Variants in DOCK4 observed in about 807,000 individuals in gnomAD.
DOCK4 encodes the protein dedicator of cytokinesis 4, also known as dedicator of cytokinesis protein 4.
A neutral mutation model predicts 268.1 loss-of-function variants in DOCK4; 97 were observed. The observed-to-expected ratio is 0.36, with a 90% CI of 0.31 to 0.43. The LOEUF (loss-of-function observed/expected upper bound fraction) is 0.43, where lower values mean the gene tolerates loss of function less well. Among genes scored for constraint, DOCK4 ranks in the 20% least tolerant of loss-of-function variants. The pLI, the probability that DOCK4 is intolerant of heterozygous loss-of-function variation, is 1.00. For missense variants in DOCK4, 2,145 were observed against 2,455.7 expected (o/e 0.87, Z 2.67); for synonymous variants, 954 against 887.2 (o/e 1.08, Z -1.34).
At chr7:112,039,047 G>C (rs1191279408) in intron 1 of DOCK4, among the ~76,000 whole-genome samples, 1 of 152,138 alleles carries the variant, frequency 6.6e-6, no homozygotes, top group African/African-American at 2.4e-5. Flanking sequence ...ACAGGAAAGG[G>C]ACTTAGATGG....
rs555855987 is a variant in DOCK4, at chr7:111,895,370, TAC to T, written c.1587+240_1587+241del. ...GCAATGGAAAGAACTTTAAGAACAA[TAC>T]ACAGGTTTACCCAAACATCCACCCC... is the stretch of plus-strand genomic sequence containing the variant. On this transcript the variant is annotated intron_variant, in intron 16 of 52. Transcript: ENST00000428084. Among the ~76,000 whole-genome samples the T allele has an allele frequency of 5.9e-5, 9 of 152,272 alleles. No homozygotes were observed. The South Asian group carries it at 1.9e-3, about 32-fold the overall frequency.
rs527654495 is a variant in DOCK4 at position 111,995,054 on chromosome 7, C to T, written c.219-823G>A. Among the ~76,000 whole-genome samples the T allele has an allele frequency of 3.1e-5, 4 of 129,218 alleles. No homozygotes were observed. In the East Asian group the frequency reaches 9.2e-4, roughly 30 times the overall value. 84.8% of individuals were successfully genotyped at this position (129,218 alleles called of 152,430 possible). A position where few individuals can be genotyped will look rare whatever the true frequency, so the allele number is the denominator to read the frequency against. Reference sequence around the variant, plus strand: ...GTTTTGTGTTTTTTTTTTTTGAGAACAGAGTCTTGCTCTGTCGCCCAGGCT... The same window carrying T: ...GTTTTGTGTTTTTTTTTTTTGAGAATAGAGTCTTGCTCTGTCGCCCAGGCT... On this transcript the variant is annotated intron_variant, in intron 4 of 52. Transcript: ENST00000428084.
intron 16 of DOCK4, among the ~76,000 whole-genome samples, chr7:111,884,072 C>T (rs1465325083): frequency 6.6e-6 from 1 of 151,960 alleles, no homozygotes; most frequent in Non-Finnish European, 1.5e-5. Context: ...ATTTTTTTAT[C>T]CAGTAGGATT....
At chr7:112,198,893 A>G (rs1820687700) in intron 1 of DOCK4, among the ~76,000 whole-genome samples, 1 of 152,170 alleles carries the variant, frequency 6.6e-6, no homozygotes, top group Non-Finnish European at 1.5e-5. Context: ...TGATTGTCTG[A>G]TGCTCCAACG....
In DOCK4 at chr7:112,020,951, G is replaced by A. The variant is rs1183550083; in HGVS notation, c.38-16820C>T. ...ATACTTATCCAACTATTTGTACTTC[G>A]TTTTCCTGCCCATTTCTCCCCAGAG... On this transcript the variant is annotated intron_variant, in intron 1 of 52. Coordinates refer to ENST00000428084, the MANE Select transcript of DOCK4 (RefSeq NM_001363540.2). Among the ~76,000 whole-genome samples, 11 of 152,182 alleles carry A rather than the reference G, an allele frequency of 7.2e-5. No individual in the cohort carries two copies. The South Asian group carries it at 8.3e-4, about 11-fold the overall frequency.
chr7:112,190,522 G>A (rs535257482), intron 1 of DOCK4, among the ~76,000 whole-genome samples: 2 of 152,254 alleles, frequency 1.3e-5, no homozygotes, highest in South Asian at 4.1e-4. Context: ...CAAGTAGCCT[G>A]GCATCTCTGA....
intron 13 of DOCK4, among the ~76,000 whole-genome samples, chr7:111,904,379 C>T (rs917673067): frequency 1.3e-5 from 2 of 151,920 alleles, no homozygotes; most frequent in African/African-American, 4.8e-5. Flanking sequence ...ATATAGTATG[C>T]TGAGCGATAA....
intron 1 of DOCK4, among the ~76,000 whole-genome samples, chr7:112,179,489 T>C (rs943756342): frequency 6.6e-6 from 1 of 150,986 alleles, no homozygotes; most frequent in Admixed American, 6.6e-5. Flanking sequence ...TACAGGAGTT[T>C]CAGCAAAGCA....
intron 1 of DOCK4, among the ~76,000 whole-genome samples, chr7:112,186,086 C>T (rs1212417940): frequency 6.6e-6 from 1 of 152,234 alleles, no homozygotes; most frequent in African/African-American, 2.4e-5. Context: ...CTCGGGGGAT[C>T]TCCATTGGAA....
intron 11 of DOCK4, among the ~76,000 whole-genome samples, chr7:111,936,786 G>C (rs1794782832): frequency 6.6e-6 from 1 of 152,202 alleles, no homozygotes; most frequent in South Asian, 2.1e-4. Flanking sequence ...GTCTGAGGCA[G>C]ATAATTCATA....
intron 1 of DOCK4, among the ~76,000 whole-genome samples, chr7:112,025,903 A>C (rs1329675922): frequency 1.3e-5 from 2 of 151,852 alleles, no homozygotes; most frequent in African/African-American, 4.8e-5. Flanking sequence ...TTCCCTGGCT[A>C]CTCCTACACA....
rs548511525 is a variant in DOCK4, at chr7:111,882,868, G to A, written c.1588-5682C>T. Among the ~76,000 whole-genome samples the A allele has an allele frequency of 1.4e-4, 22 of 152,086 alleles. No individual in the cohort carries two copies. In the South Asian group the frequency reaches 2.9e-3, roughly 20 times the overall value. On this transcript the variant is annotated intron_variant, in intron 16 of 52. Coordinates refer to ENST00000428084, the MANE Select transcript of DOCK4 (RefSeq NM_001363540.2). ...AGGTGATCCGCCTGCCTCAGCCTCC[G>A]AAAGTGCTGGGATTACAGGCGTGAG... is the stretch of plus-strand genomic sequence containing the variant.
Position 111,758,665 on chromosome 7 carries a change from G to C in DOCK4, c.4288C>G (p.Pro1430Ala). 1 of 1,613,954 alleles carries C rather than the reference G, an allele frequency of 6.2e-7. No individual in the cohort carries two copies. The highest frequency in any genetic ancestry group is 8.5e-7 in the Non-Finnish European group (1 of 1,179,870). ...NHIWKFRYDRPFHKGTKDKEN... is the reference protein window; with the variant it reads ...NHIWKFRYDRAFHKGTKDKEN... ...TTATCTTTTGTGCCTTTGTGAAATG[G>C]TCGGTCATAGCGGAATTTCCAGATG... The change falls in exon 41 of 53, where the codon CCA becomes GCA. Residue 1430 changes from proline (P) to alanine (A), a missense_variant. Physicochemically the swap from Pro to Ala is conservative, Grantham distance 27 (BLOSUM62 -1). This residue lies in a region of DOCK4 where 1,598 missense variants were observed against 1,986.7 expected (regional missense o/e 0.80). Transcript: ENST00000428084.
intron 1 of DOCK4, among the ~76,000 whole-genome samples, chr7:112,178,584 C>A (rs1211814137): frequency 6.6e-6 from 1 of 152,126 alleles, no homozygotes; most frequent in Non-Finnish European, 1.5e-5. Context: ...GGTTTCCTCA[C>A]ATTATTCCTC....
intron 1 of DOCK4, among the ~76,000 whole-genome samples, chr7:112,122,912 T>C (rs770641594): frequency 1.3e-5 from 2 of 152,216 alleles, no homozygotes; most frequent in Admixed American, 1.3e-4. Context: ...AATTTTCTCA[T>C]ATGAGGTGTA....
At chr7:111,817,273 A>C (rs1376552070) in intron 27 of DOCK4, among the ~76,000 whole-genome samples, 2 of 152,196 alleles carry the variant, frequency 1.3e-5, no homozygotes, top group Non-Finnish European at 2.9e-5. Context: ...CTCCCTGAAC[A>C]GTAAAAGCCT....
chr7:112,130,118 G>A (rs245023), intron 1 of DOCK4, among the ~76,000 whole-genome samples: 54,525 of 151,966 alleles, frequency 0.36, 11,919 homozygotes, highest in South Asian at 0.53. Context: ...TTGAATGTTG[G>A]GTAAGAGGTC....
intron 1 of DOCK4, among the ~76,000 whole-genome samples, chr7:112,182,175 A>G (rs1447130616): frequency 6.6e-6 from 1 of 152,194 alleles, no homozygotes; most frequent in Admixed American, 6.5e-5. Context: ...CCTACCCCAT[A>G]GAGTTGTTGT....
intron 6 of DOCK4, among the ~76,000 whole-genome samples, 174 bp from the exon 7 acceptor site, chr7:111,984,564 T>C (rs1798901927): frequency 6.6e-6 from 1 of 152,204 alleles, no homozygotes; most frequent in Non-Finnish European, 1.5e-5. Context: ...CGCTGGACAC[T>C]GGGCAAAACT....
Sources: allele counts gnomAD v4.1 joint callset (sites outside exome capture counted in the v4.1 genomes callset), GRCh38; gene constraint gnomAD v4.1.1; regional missense constraint gnomAD v4.1.1; transcripts MANE v1.5; gene names NCBI Gene and HGNC (gene_info 2026-07-23, HGNC 2026-07-21).